The following SLC17A3 variants were observed in gnomAD, a reference collection of about 807,000 sequenced individuals.
SLC17A3 encodes solute carrier family 17 member 3, also known as sodium-dependent phosphate transport protein 4.
A neutral mutation model predicts 60.3 loss-of-function variants in SLC17A3; 61 were observed. That is an observed-to-expected ratio of 1.01 (90% CI 0.82 to 1.25). The LOEUF (loss-of-function observed/expected upper bound fraction) is 1.25. Among genes scored for constraint, SLC17A3 ranks in the 50% most tolerant of loss-of-function variants. The probability of loss-of-function intolerance (pLI) is 0.00; values close to 1 mark genes in which losing one functional copy is unlikely to be tolerated. For synonymous variants in SLC17A3, 192 were observed against 208.9 expected, an observed-to-expected ratio of 0.92 and a Z score of 0.70; for missense variants, 624 against 594.9, an observed-to-expected ratio of 1.05 and a Z score of -0.51.
At chr6:25,871,321 G>A (rs1765636713) in intron 1 of SLC17A3, among the ~76,000 whole-genome samples, 1 of 151,950 alleles carries the variant, frequency 6.6e-6, no homozygotes, top group East Asian at 1.9e-4. Context: ...AAAAAATGAT[G>A]AGTTCATGTC....
At chr6:25,860,384 C>T (rs1464904936) in intron 5 of SLC17A3, among the ~76,000 whole-genome samples, 1 of 152,072 alleles carries the variant, frequency 6.6e-6, no homozygotes, top group African/African-American at 2.4e-5. Flanking sequence ...CCTATGCCAA[C>T]CTTATAAGCT....
intron 1 of SLC17A3, among the ~76,000 whole-genome samples, chr6:25,870,605 T>C (rs1765625489): frequency 6.6e-6 from 1 of 151,952 alleles, no homozygotes; most frequent in South Asian, 2.1e-4. Context: ...TCACAGCACA[T>C]CAGCCTCTGC....
rs368693445 is a variant in SLC17A3 at position 25,861,725 on chromosome 6, G to T, written c.538-14C>A. ...AAGTATTGAGGACTGAAATTAAAAT[G>T]ATTAGAGTTCTTAATGTGTGGTGCC... On this transcript the variant is annotated splice_polypyrimidine_tract_variant and intron_variant, in intron 4 of 12. Coordinates refer to ENST00000397060, the MANE Select transcript of SLC17A3 (RefSeq NM_001098486.2). The T allele has an allele frequency of 4.7e-5, 75 of 1,612,668 alleles. No individual in the cohort carries two copies. Among genetic ancestry groups the T allele is most frequent in the Non-Finnish European group, 6.0e-5 (71 of 1,178,798 alleles).
At position 25,866,130 on chromosome 6, in the gene SLC17A3, C is replaced by T. The variant is rs144512594; in HGVS notation, c.91+2167G>A. Among the ~76,000 whole-genome samples the T allele has an allele frequency of 1.3e-3, 204 of 151,978 alleles. 1 individual carries two copies. Among genetic ancestry groups the T allele is most frequent in the Middle Eastern group, 6.8e-3 (2 of 294 alleles). On this transcript the variant is annotated intron_variant, in intron 2 of 12. Transcript: ENST00000397060. ...TCACTTGCTTGTATCCAACAGAATA[C>T]GGCAAAGGTGATGGGACGTCACCCC...
chr6:25,866,952 T>C (rs939478239), intron 2 of SLC17A3, among the ~76,000 whole-genome samples: 16 of 151,996 alleles, frequency 1.1e-4, no homozygotes, highest in African/African-American at 3.6e-4. Context: ...GAAGACACCA[T>C]TGATACATCG....
intron 11 of SLC17A3, among the ~76,000 whole-genome samples, chr6:25,848,196 C>T (rs534963525): frequency 6.6e-6 from 1 of 152,312 alleles, no homozygotes; most frequent in South Asian, 2.1e-4. Context: ...GTGAATTGTG[C>T]TGCCATAAAC....
chr6:25,860,079 T>C (rs762628797), intron 5 of SLC17A3, among the ~76,000 whole-genome samples: 4 of 152,202 alleles, frequency 2.6e-5, no homozygotes, highest in Non-Finnish European at 4.4e-5. Flanking sequence ...ATCTATGTTG[T>C]TTCATGCAGC....
intron 6 of SLC17A3, among the ~76,000 whole-genome samples, chr6:25,853,667 C>T (rs185421121): frequency 1.5e-3 from 231 of 152,156 alleles, no homozygotes; most frequent in African/African-American, 5.1e-3. Context: ...ATCCGCCCAC[C>T]TCGGCCTCCC....
chr6:25,862,064 C>A (rs373633868), intron 3 of SLC17A3, 35 bp from the exon 4 acceptor site: 2 of 1,520,678 alleles, frequency 1.3e-6, no homozygotes, highest in South Asian at 2.4e-5. Context: ...GTAAACCTTA[C>A]ACAAAAAGGT....
chr6:25,868,178 A>G (rs1325311199), intron 2 of SLC17A3, 119 bp downstream of exon 2: 1 of 777,670 alleles, frequency 1.3e-6, no homozygotes, highest in Non-Finnish European at 2.2e-6. Context: ...TGTTAATTTC[A>G]CTGGATTTGT....
chr6:25,848,083 T>G (rs1156339971), intron 11 of SLC17A3, among the ~76,000 whole-genome samples: 1 of 152,248 alleles, frequency 6.6e-6, no homozygotes, highest in Non-Finnish European at 1.5e-5. Context: ...AATTCATTCC[T>G]TTTTATGGCT....
intron 5 of SLC17A3, among the ~76,000 whole-genome samples, chr6:25,858,794 A>G (rs1161053871): frequency 6.6e-6 from 1 of 152,158 alleles, no homozygotes; most frequent in Non-Finnish European, 1.5e-5. Context: ...GTTGATTTAC[A>G]TTGGCTTATT....
At chr6:25,873,894 G>A (rs572041281) in intron 1 of SLC17A3, among the ~76,000 whole-genome samples, 4 of 151,934 alleles carry the variant, frequency 2.6e-5, no homozygotes, top group Non-Finnish European at 2.9e-5. Context: ...TAAACACCTC[G>A]CAAGAGTGCC....
rs866868447 is a variant in SLC17A3, at chr6:25,855,299, G to C, written c.626-69C>G. On this transcript the variant is annotated intron_variant, in intron 5 of 12. Coordinates refer to ENST00000397060, the MANE Select transcript of SLC17A3 (RefSeq NM_001098486.2). The stretch of plus-strand genomic sequence containing the variant: ...CCTGGAAAACACATACAAATTGATA[G>C]ATGACATATTATAGAGCAGTAGCTT... 110 of 1,065,364 alleles carry C rather than the reference G, an allele frequency of 1.0e-4. 1 individual carries two copies. Among genetic ancestry groups the C allele is most frequent in the South Asian group, 8.3e-4 (64 of 76,874 alleles). 66.0% of individuals were successfully genotyped at this position (1,065,364 alleles called of 1,614,324 possible). A position where few individuals can be genotyped will look rare whatever the true frequency, so the allele number is the denominator to read the frequency against.
intron 6 of SLC17A3, among the ~76,000 whole-genome samples, chr6:25,854,557 A>G (rs1765329338): frequency 6.6e-6 from 1 of 152,250 alleles, no homozygotes; most frequent in Admixed American, 6.5e-5. Flanking sequence ...ATGTATAAAC[A>G]AATGAATGCA....
chr6:25,866,392 G>A (rs1163936988), intron 2 of SLC17A3, among the ~76,000 whole-genome samples: 1 of 151,958 alleles, frequency 6.6e-6, no homozygotes, highest in African/African-American at 2.4e-5. Context: ...CTGGAAGTGG[G>A]CTCTTCCCTA....
chr6:25,861,995 C>A lies in SLC17A3; in HGVS notation c.338G>T (p.Gly113Val), dbSNP rs753679881. Residue 113 changes from glycine (G) to valine (V), a missense_variant, in exon 4 of 13, where the codon GGC becomes GTC. Gly to Val is a moderately radical substitution (Grantham distance 109). Coordinates refer to ENST00000397060, the MANE Select transcript of SLC17A3 (RefSeq NM_001098486.2). ...PVYDWSPQIQ[G>V]IIFGAVGYGG... ...ATAGCCAACAGCACCAAAGATGATGCCTTGGATTTGAGGAGACCAGTCATA... is the reference window on the plus strand; with the variant it reads ...ATAGCCAACAGCACCAAAGATGATGACTTGGATTTGAGGAGACCAGTCATA... 1 of 1,610,120 alleles carries A rather than the reference C, an allele frequency of 6.2e-7. No homozygotes were observed. The highest frequency in any genetic ancestry group is 1.3e-5 in the African/African-American group (1 of 74,960).
chr6:25,868,363 G>C lies in SLC17A3; in HGVS notation c.25C>G (p.Pro9Ala). 6.2e-7 allele frequency: 1 copy of C among 1,611,946 alleles called. No homozygotes were observed. Among genetic ancestry groups the C allele is most frequent in the Non-Finnish European group, 8.5e-7 (1 of 1,178,700 alleles). The change falls in exon 2 of 13, where the codon CCC (proline) becomes GCC (alanine). Residue 9 changes from proline (P) to alanine (A), a missense_variant. Coordinates refer to ENST00000397060, the MANE Select transcript of SLC17A3 (RefSeq NM_001098486.2). Reference sequence around the variant, plus strand: ...GCGTTCTTGCTCTCCCTTGCTGTGGGACTCAACTCTGTCTTGGTGGCCATT... The same window carrying C: ...GCGTTCTTGCTCTCCCTTGCTGTGGCACTCAACTCTGTCTTGGTGGCCATT... MATKTELS[P>A]TARESKNAQD...
At position 25,850,786 on chromosome 6, in the gene SLC17A3, T is replaced by C. The variant is rs775502879; in HGVS notation, c.804A>G (p.Glu268=). Residue 268 remains glutamate, a synonymous_variant, in exon 7 of 13, where the codon GAA becomes GAG. Coordinates refer to ENST00000397060, the MANE Select transcript of SLC17A3 (RefSeq NM_001098486.2). The stretch of plus-strand genomic sequence containing the variant: ...GTTGTTTCAAGGAGGATATGATGTA[T>C]TCTTTTTCTGAGGTGCTTATCCATG... ...SYPWISTSEK[E]YIISSLKQQV... 6 of 1,613,888 alleles carry C rather than the reference T, an allele frequency of 3.7e-6. No homozygotes were observed. The highest frequency in any genetic ancestry group is 5.1e-6 in the Non-Finnish European group (6 of 1,179,880).
Sources: gnomAD v4.1 joint callset for allele counts (sites outside exome capture counted in the v4.1 genomes callset) on GRCh38, gnomAD v4.1.1 for gene constraint, MANE v1.5 for transcripts, NCBI Gene and HGNC (gene_info 2026-07-23, HGNC 2026-07-21) for gene names.